RAB2A: variants seen among roughly 807,000 people sequenced by gnomAD.
RAB2A encodes the protein ras-related protein Rab-2A.
In RAB2A, 7 loss-of-function variants were observed where a neutral mutation model predicts 32.5. That is an observed-to-expected ratio of 0.22 (90% CI 0.12 to 0.40). The LOEUF (loss-of-function observed/expected upper bound fraction) is 0.40, where lower values mean the gene tolerates loss of function less well. RAB2A is among the 10% of genes least tolerant of loss of function. The probability of loss-of-function intolerance (pLI) is 1.00; values close to 1 mark genes in which losing one functional copy is unlikely to be tolerated. For synonymous variants in RAB2A, 79 were observed against 85.2 expected, an observed-to-expected ratio of 0.93 and a Z score of 0.40; for missense variants, 108 against 260.7, an observed-to-expected ratio of 0.41 and a Z score of 4.03.
chr8:60,517,390 G>C, intron 1 of RAB2A, 137 bp downstream of exon 1: 3 of 838,276 alleles, frequency 3.6e-6, no homozygotes, highest in South Asian at 5.3e-5. Flanking sequence ...CATTTCCGCA[G>C]TGCTGGAGCT....
intron 1 of RAB2A, among the ~76,000 whole-genome samples, chr8:60,550,438 G>T (rs1807828416): frequency 6.6e-6 from 1 of 151,298 alleles, no homozygotes; most frequent in Non-Finnish European, 1.5e-5. Context: ...AGGCTGAAGT[G>T]CAGTGGTGTG....
At chr8:60,532,582 C>T (rs1323818370) in intron 1 of RAB2A, among the ~76,000 whole-genome samples, 3 of 152,102 alleles carry the variant, frequency 2.0e-5, no homozygotes, top group African/African-American at 7.2e-5. Flanking sequence ...ATAGTCTCAG[C>T]TCACTGCAAC....
At chr8:60,537,874 C>T (rs1177355386) in intron 1 of RAB2A, among the ~76,000 whole-genome samples, 1 of 151,950 alleles carries the variant, frequency 6.6e-6, no homozygotes, top group Non-Finnish European at 1.5e-5. Context: ...GAGACAGGAT[C>T]TCACTAGGTG....
intron 1 of RAB2A, among the ~76,000 whole-genome samples, chr8:60,549,911 C>T (rs900799034): frequency 1.8e-4 from 28 of 151,800 alleles, no homozygotes; most frequent in African/African-American, 6.8e-4. Flanking sequence ...AATTTGCCAG[C>T]CTTTACTCAA....
chr8:60,584,057 T>G, intron 3 of RAB2A, 151 bp from the exon 4 acceptor site: 1 of 628,568 alleles, frequency 1.6e-6, no homozygotes, highest in Non-Finnish European at 2.9e-6. Flanking sequence ...AGCGGTGTTT[T>G]GTAACTTTTT....
intron 1 of RAB2A, among the ~76,000 whole-genome samples, chr8:60,538,934 A>C (rs1018522447): frequency 3.9e-5 from 6 of 152,228 alleles, no homozygotes; most frequent in Non-Finnish European, 5.9e-5. Flanking sequence ...AATGATACAG[A>C]TACAATTCTA....
At chr8:60,576,003 T>C (rs1426940964) in intron 3 of RAB2A, among the ~76,000 whole-genome samples, 3 of 152,156 alleles carry the variant, frequency 2.0e-5, no homozygotes, top group African/African-American at 7.2e-5. Context: ...GGAGTTTTCC[T>C]TGCAAGATTT....
At chr8:60,605,203 C>T (rs1297246178) in intron 6 of RAB2A, among the ~76,000 whole-genome samples, 1 of 152,196 alleles carries the variant, frequency 6.6e-6, no homozygotes, top group Non-Finnish European at 1.5e-5. Context: ...GCCTTGGTAG[C>T]TTCCATGTGG....
intron 1 of RAB2A, among the ~76,000 whole-genome samples, chr8:60,523,811 C>G (rs1807338111): frequency 6.6e-6 from 1 of 151,954 alleles, no homozygotes; most frequent in South Asian, 2.1e-4. Flanking sequence ...CTGCCTCAGC[C>G]TCCCAAGTAG....
In RAB2A at chr8:60,553,649, C is replaced by T. The variant is rs552562631; in HGVS notation, c.47-5203C>T. Among the ~76,000 whole-genome samples the T allele has an allele frequency of 2.6e-5, 4 of 152,254 alleles. No individual in the cohort carries two copies. The South Asian group carries it at 8.3e-4, about 32-fold the overall frequency. On this transcript the variant is annotated intron_variant, in intron 1 of 7. Coordinates refer to ENST00000262646, the MANE Select transcript of RAB2A (RefSeq NM_002865.3). ...GTTCATTGAGGTGTAGAGATTTCCTCCATTTTATAGATAAGGATTCTAAGG... is the reference window on the plus strand; with the variant it reads ...GTTCATTGAGGTGTAGAGATTTCCTTCATTTTATAGATAAGGATTCTAAGG...
chr8:60,614,734 A>G (rs189563828), intron 6 of RAB2A, among the ~76,000 whole-genome samples: 5 of 152,354 alleles, frequency 3.3e-5, no homozygotes, highest in African/African-American at 1.2e-4. Flanking sequence ...TATCAGTATC[A>G]TTCAGATTAA....
chr8:60,593,145 T>C (rs762859598), intron 6 of RAB2A, among the ~76,000 whole-genome samples: 19 of 152,210 alleles, frequency 1.2e-4, no homozygotes, highest in Non-Finnish European at 2.5e-4. Context: ...AGGTAAAATA[T>C]TATACAGTCA....
chr8:60,521,890 G>C (rs998132624), intron 1 of RAB2A, among the ~76,000 whole-genome samples: 1 of 152,136 alleles, frequency 6.6e-6, no homozygotes, highest in Non-Finnish European at 1.5e-5. Context: ...CTTAAGTGCT[G>C]GGATTACAGG....
intron 1 of RAB2A, among the ~76,000 whole-genome samples, chr8:60,534,539 T>C (rs955491096): frequency 3.3e-5 from 5 of 152,222 alleles, no homozygotes; most frequent in African/African-American, 4.8e-5. Flanking sequence ...TATAACTTAT[T>C]TGAATAATTG....
chr8:60,605,852 T>TAA (rs1804222069), intron 6 of RAB2A, among the ~76,000 whole-genome samples: 1 of 144,746 alleles, frequency 6.9e-6, no homozygotes, highest in South Asian at 2.2e-4. Flanking sequence ...TATATATATA[T>TAA]AATGCTTCAT....
chr8:60,533,841 G>A (rs942562629), intron 1 of RAB2A, among the ~76,000 whole-genome samples: 1 of 152,074 alleles, frequency 6.6e-6, no homozygotes, highest in Non-Finnish European at 1.5e-5. Flanking sequence ...GTGGTGGTGG[G>A]TGCCTGTAAT....
chr8:60,590,768 C>T (rs1803929845), intron 5 of RAB2A, among the ~76,000 whole-genome samples: 2 of 151,426 alleles, frequency 1.3e-5, no homozygotes, highest in Admixed American at 1.3e-4. Flanking sequence ...ATTTGAAAAA[C>T]ATAGTGTTGA....
chr8:60,536,959 T>G (rs985947782), intron 1 of RAB2A, among the ~76,000 whole-genome samples: 1 of 152,226 alleles, frequency 6.6e-6, no homozygotes, highest in Admixed American at 6.5e-5. Context: ...TCTGTCCTCG[T>G]AAATATCAAT....
intron 2 of RAB2A, among the ~76,000 whole-genome samples, chr8:60,569,211 AT>A (rs1046134956): frequency 7.9e-5 from 12 of 152,094 alleles, no homozygotes; most frequent in Non-Finnish European, 1.5e-4. Context: ...TGAGATGTGT[AT>A]TTTTTTCCCA....
Sources: allele counts gnomAD v4.1 joint callset (sites outside exome capture counted in the v4.1 genomes callset), GRCh38; gene constraint gnomAD v4.1.1; transcripts MANE v1.5; gene names NCBI Gene and HGNC (gene_info 2026-07-23, HGNC 2026-07-21).